Variants in PLAT observed in about 807,000 individuals in gnomAD.
PLAT encodes plasminogen activator, tissue type.
A neutral mutation model predicts 74.9 loss-of-function variants in PLAT; 48 were observed. The ratio of observed to expected loss-of-function variants is 0.64; its 90% CI spans 0.51 to 0.82. The LOEUF is 0.82. PLAT is among the 40% of genes least tolerant of loss of function. The probability of loss-of-function intolerance (pLI) is 0.00; values close to 1 mark genes in which losing one functional copy is unlikely to be tolerated. For synonymous variants in PLAT, 307 were observed against 294.4 expected (o/e 1.04, Z -0.44); for missense variants, 673 against 736.2 (o/e 0.91, Z 0.99).
At chr8:42,198,603 CTG>C (rs1172346213) in intron 1 of PLAT, among the ~76,000 whole-genome samples, 1 of 152,226 alleles carries the variant, frequency 6.6e-6, no homozygotes, top group Non-Finnish European at 1.5e-5. Flanking sequence ...GAATTATAGT[CTG>C]TACTCTTGCC....
intron 13 of PLAT, among the ~76,000 whole-genome samples, chr8:42,176,797 C>T (rs912844910): frequency 2.0e-5 from 3 of 152,112 alleles, no homozygotes; most frequent in African/African-American, 4.8e-5. Context: ...ACTTATTCTC[C>T]AAAAATTGGG....
intron 2 of PLAT, among the ~76,000 whole-genome samples, chr8:42,192,282 G>T (rs1256697542): frequency 1.3e-5 from 2 of 152,122 alleles, no homozygotes; most frequent in East Asian, 1.9e-4. Context: ...GAGATTACAG[G>T]TGTGAGTCAC....
chr8:42,198,698 TC>T (rs1406632066), intron 1 of PLAT, among the ~76,000 whole-genome samples: 1 of 152,202 alleles, frequency 6.6e-6, no homozygotes, highest in Non-Finnish European at 1.5e-5. Context: ...GATACTATTA[TC>T]AAATGTTGCA....
chr8:42,182,623 T>C (rs965712212), intron 8 of PLAT, 96 bp downstream of exon 8: 5 of 876,746 alleles, frequency 5.7e-6, no homozygotes, highest in Non-Finnish European at 7.1e-6. Context: ...ACGCACTGGG[T>C]CTGTCATGCA....
rs1269877790 is a variant in PLAT at position 42,175,413 on chromosome 8, C to T, written c.*580G>A. Reference sequence around the variant, plus strand: ...ATAAAGAAAAAGGATTTACACTTTACACACTGTACACAAAAGGAATACCTT... The same window carrying T: ...ATAAAGAAAAAGGATTTACACTTTATACACTGTACACAAAAGGAATACCTT... On this transcript the variant is annotated 3_prime_UTR_variant, in exon 14 of 14. Coordinates refer to ENST00000220809, the MANE Select transcript of PLAT (RefSeq NM_000930.5). The T allele has an allele frequency of 2.6e-5, 4 of 152,870 alleles. No homozygotes were observed. The highest frequency in any genetic ancestry group is 5.8e-5 in the Non-Finnish European group (4 of 68,508). 9.5% of individuals were successfully genotyped at this position (152,870 alleles called of 1,614,324 possible). A position where few individuals can be genotyped will look rare whatever the true frequency, so the allele number is the denominator to read the frequency against.
In PLAT at chr8:42,203,992, T is replaced by TACACACACACACACACACACAC. The variant is rs775189467; in HGVS notation, c.-27+3480_-27+3501dup. Reference sequence around the variant, plus strand: ...AATTATATATATATATATATATATATACACACACACACACACACACACACA... The same window carrying TACACACACACACACACACACAC: ...AATTATATATATATATATATATATATACACACACACACACACACACACACACACACACACACACACACACACA... On this transcript the variant is annotated intron_variant, in intron 1 of 13. Coordinates refer to ENST00000220809, the MANE Select transcript of PLAT (RefSeq NM_000930.5). Among the ~76,000 whole-genome samples, 11 of 109,866 alleles carry TACACACACACACACACACACAC rather than the reference T, an allele frequency of 1.0e-4. No individual in the cohort carries two copies. In the East Asian group the frequency reaches 2.0e-3, roughly 20 times the overall value. 72.1% of individuals were successfully genotyped at this position (109,866 alleles called of 152,430 possible).
chr8:42,187,145 C>T (rs926042616), intron 6 of PLAT: 12 of 393,380 alleles, frequency 3.1e-5, no homozygotes, highest in Admixed American at 8.1e-5. Flanking sequence ...GTCTATCTGT[C>T]ATCCATCTAC....
chr8:42,191,507 G>T, intron 2 of PLAT, 93 bp from the exon 3 acceptor site: 1 of 1,104,982 alleles, frequency 9.0e-7, no homozygotes. Context: ...TGAACCTGCC[G>T]GCCAGATACC....
intron 1 of PLAT, among the ~76,000 whole-genome samples, chr8:42,193,900 G>C (rs1805785069): frequency 2.0e-5 from 3 of 151,748 alleles, no homozygotes; most frequent in Non-Finnish European, 4.4e-5. Flanking sequence ...ATTTTTAGTA[G>C]AGACGGGGTT....
intron 1 of PLAT, among the ~76,000 whole-genome samples, chr8:42,203,314 C>T (rs1279496837): frequency 6.6e-6 from 1 of 152,192 alleles, no homozygotes; most frequent in Non-Finnish European, 1.5e-5. Context: ...CGCGTGGTCA[C>T]CCATGCACAT....
chr8:42,181,873 G>C, intron 9 of PLAT, 64 bp downstream of exon 9: 1 of 937,298 alleles, frequency 1.1e-6, no homozygotes, highest in Non-Finnish European at 1.8e-6. Flanking sequence ...GGCCTAGAAA[G>C]TGGCGAGGAG....
chr8:42,206,454 C>G (rs1259003908), intron 1 of PLAT, among the ~76,000 whole-genome samples: 1 of 152,162 alleles, frequency 6.6e-6, no homozygotes, highest in Non-Finnish European at 1.5e-5. Flanking sequence ...TAGGAAGTCA[C>G]CTTTGAGGGG....
intron 7 of PLAT, among the ~76,000 whole-genome samples, chr8:42,183,481 G>A (rs1026024823): frequency 1.3e-5 from 2 of 152,182 alleles, no homozygotes; most frequent in African/African-American, 4.8e-5. Flanking sequence ...TTGAAAGCCA[G>A]TAGGGGTTTC....
intron 2 of PLAT, 82 bp from the exon 3 acceptor site, chr8:42,191,496 G>T (rs1805683796): frequency 1.5e-6 from 2 of 1,292,866 alleles, no homozygotes; most frequent in Non-Finnish European, 2.2e-6. Context: ...AGAAGCCCAT[G>T]TGAACCTGCC....
intron 6 of PLAT, 170 bp from the exon 7 acceptor site, chr8:42,185,342 C>A (rs978507618): frequency 2.3e-6 from 1 of 437,926 alleles, no homozygotes; most frequent in African/African-American, 2.0e-5. Context: ...CCTCTCACTG[C>A]AACCTCCGTT....
chr8:42,185,306 C>A (rs914057420), intron 6 of PLAT, 134 bp from the exon 7 acceptor site: 4 of 503,900 alleles, frequency 7.9e-6, no homozygotes, highest in African/African-American at 5.9e-5. Flanking sequence ...GCTGTTTATC[C>A]CAGGCTGGAG....
intron 3 of PLAT, among the ~76,000 whole-genome samples, chr8:42,189,668 G>A (rs951146351): frequency 1.3e-5 from 2 of 149,800 alleles, no homozygotes; most frequent in Admixed American, 6.6e-5. Context: ...GCACAATCTC[G>A]GCTCACTGCA....
chr8:42,187,260 ATCTG>A (rs1178374640), intron 6 of PLAT, 134 bp downstream of exon 6: 50 of 618,404 alleles, frequency 8.1e-5, no homozygotes, highest in Non-Finnish European at 1.3e-4. Context: ...ATCATCTATT[ATCTG>A]TCTATCATCT....
chr8:42,180,697 AG>A lies in PLAT; in HGVS notation c.890-13del. 6.5e-7 allele frequency: 1 copy of A among 1,548,758 alleles called. No individual in the cohort carries two copies. On this transcript the variant is annotated splice_polypyrimidine_tract_variant and intron_variant, in intron 9 of 13. Coordinates refer to ENST00000220809, the MANE Select transcript of PLAT (RefSeq NM_000930.5). ...CAGGCCGCAGGTGGCTGGGGAGGAA[AG>A]GACGAGGAGGCAGTCAGTCCCACAG...
Sources: allele counts gnomAD v4.1 joint callset (sites outside exome capture counted in the v4.1 genomes callset), GRCh38; gene constraint gnomAD v4.1.1; transcripts MANE v1.5; gene names NCBI Gene and HGNC (gene_info 2026-07-23, HGNC 2026-07-21).